ANKRD45: variants seen among roughly 807,000 people sequenced by gnomAD.
ANKRD45 encodes the protein ankyrin repeat domain 45, also known as ankyrin repeat domain-containing protein 45.
ANKRD45 carries 21 observed loss-of-function variants against 28.1 expected under a neutral mutation model. The observed-to-expected ratio is 0.75, with a 90% CI of 0.53 to 1.08. ANKRD45 has a LOEUF of 1.08. Among genes scored for constraint, ANKRD45 ranks in the 50% least tolerant of loss-of-function variants. The pLI is 0.00. For missense variants in ANKRD45, 261 were observed against 308.7 expected, an observed-to-expected ratio of 0.85 and a Z score of 1.16; for synonymous variants, 86 against 103.9, an observed-to-expected ratio of 0.83 and a Z score of 1.05.
intron 2 of ANKRD45, among the ~76,000 whole-genome samples, chr1:173,654,384 G>T (rs183666892): frequency 2.8e-4 from 43 of 152,118 alleles, no homozygotes; most frequent in Admixed American, 2.8e-3. Flanking sequence ...ATGTAATTCT[G>T]GGTTGAAAAT....
At chr1:173,612,164 G>A (rs890324836) in intron 5 of ANKRD45, among the ~76,000 whole-genome samples, 2 of 151,982 alleles carry the variant, frequency 1.3e-5, no homozygotes, top group Admixed American at 1.3e-4. Context: ...GGATTGCTTG[G>A]GCCCAGGGAG....
the ANKRD45 span, among the ~76,000 whole-genome samples, chr1:173,684,352 A>G: frequency 6.6e-6 from 1 of 152,104 alleles, no homozygotes; most frequent in Non-Finnish European, 1.5e-5. Context: ...CTTTTTTTTA[A>G]CATGTCTTGC....
chr1:173,631,881 T>TA lies in ANKRD45; in HGVS notation c.497-4723dup, dbSNP rs954841022. Among the ~76,000 whole-genome samples the TA allele has an allele frequency of 4.6e-5, 7 of 151,524 alleles. No homozygotes were observed. In the East Asian group the frequency reaches 7.7e-4, roughly 17 times the overall value. ...ACTTTATAGTAATAAACACCTACATTAAAAAAATACAAAAACTTCAAATAA... is the reference window on the plus strand; with the variant it reads ...ACTTTATAGTAATAAACACCTACATTAAAAAAAATACAAAAACTTCAAATAA... On this transcript the variant is annotated intron_variant, in intron 3 of 5. Coordinates refer to ENST00000333279, the MANE Select transcript of ANKRD45 (RefSeq NM_198493.3).
chr1:173,655,229 G>T (rs569863145), intron 2 of ANKRD45, among the ~76,000 whole-genome samples: 1 of 152,288 alleles, frequency 6.6e-6, no homozygotes, highest in Admixed American at 6.5e-5. Context: ...CATATTTGTG[G>T]TTTTATCTAC....
At chr1:173,628,064 C>T (rs1400254239) in intron 3 of ANKRD45, among the ~76,000 whole-genome samples, 1 of 151,718 alleles carries the variant, frequency 6.6e-6, no homozygotes, top group Admixed American at 6.6e-5. Flanking sequence ...AGGACCCAGG[C>T]CTGGCAGGAT....
At chr1:173,667,697 A>G in intron 1 of ANKRD45, 1 of 433,526 alleles carries the variant, frequency 2.3e-6, no homozygotes, top group Non-Finnish European at 4.6e-6. Flanking sequence ...ACAGAATGAG[A>G]CCCCATCTTA....
intron 3 of ANKRD45, among the ~76,000 whole-genome samples, chr1:173,627,913 T>A (rs1668010347): frequency 6.6e-6 from 1 of 151,658 alleles, no homozygotes; most frequent in Non-Finnish European, 1.5e-5. Flanking sequence ...TAAGACTTTG[T>A]CTTGCAACTT....
At chr1:173,678,383 T>C in the ANKRD45 span, among the ~76,000 whole-genome samples, 40 of 152,254 alleles carry the variant, frequency 2.6e-4, 2 homozygotes, top group East Asian at 5.0e-3. Context: ...GTCAGCTTTA[T>C]CCCTGGGATG....
intron 3 of ANKRD45, among the ~76,000 whole-genome samples, chr1:173,629,192 G>A (rs1668076639): frequency 6.6e-6 from 1 of 152,132 alleles, no homozygotes; most frequent in Admixed American, 6.5e-5. Context: ...GTACAAACAA[G>A]CCCAGACTGC....
rs1667018829 is a variant in ANKRD45 at position 173,608,557 on chromosome 1, G to T, written c.*1588C>A. Among the ~76,000 whole-genome samples the T allele has an allele frequency of 6.6e-6, 1 of 151,844 alleles. No homozygotes were observed. The highest frequency in any genetic ancestry group is 2.1e-4 in the South Asian group (1 of 4,798). On this transcript the variant is annotated 3_prime_UTR_variant, in exon 6 of 6. Coordinates refer to ENST00000333279, the MANE Select transcript of ANKRD45 (RefSeq NM_198493.3). ...TTGTCTCAAACCGCTGACCTCAGGTGATCCGCCTGCCTTGGCCTCCCAAAG... is the reference window on the plus strand; with the variant it reads ...TTGTCTCAAACCGCTGACCTCAGGTTATCCGCCTGCCTTGGCCTCCCAAAG...
At chr1:173,669,203 G>A (rs571509895) in intron 1 of ANKRD45, among the ~76,000 whole-genome samples, 127 of 152,220 alleles carry the variant, frequency 8.3e-4, no homozygotes, top group African/African-American at 2.9e-3. Context: ...AATTCTGGGT[G>A]GCGGTCTCAG....
intron 3 of ANKRD45, among the ~76,000 whole-genome samples, chr1:173,631,273 A>T (rs1175715822): frequency 6.6e-6 from 1 of 152,176 alleles, no homozygotes; most frequent in African/African-American, 2.4e-5. Context: ...AAGAGGATAT[A>T]ACAGCTGGGA....
intron 5 of ANKRD45, among the ~76,000 whole-genome samples, chr1:173,611,476 T>G (rs907510954): frequency 6.6e-6 from 1 of 152,058 alleles, no homozygotes; most frequent in Non-Finnish European, 1.5e-5. Context: ...TCTTAACCTT[T>G]AAAAATCCAC....
chr1:173,630,452 T>A (rs1434093757), intron 3 of ANKRD45, among the ~76,000 whole-genome samples: 4 of 152,208 alleles, frequency 2.6e-5, no homozygotes, highest in South Asian at 2.1e-4. Context: ...TTTGTTTTTC[T>A]CTTTGCTTGT....
intron 3 of ANKRD45, among the ~76,000 whole-genome samples, chr1:173,628,213 G>A (rs568885101): frequency 3.3e-5 from 5 of 150,888 alleles, no homozygotes; most frequent in Non-Finnish European, 5.9e-5. Context: ...CAGCTGTAGG[G>A]ACTAAGGGGA....
chr1:173,710,371 T>C, the ANKRD45 span, among the ~76,000 whole-genome samples: 1 of 152,134 alleles, frequency 6.6e-6, no homozygotes, highest in Non-Finnish European at 1.5e-5. Flanking sequence ...GGAAGGAAAG[T>C]ACATGTGGAA....
intron 2 of ANKRD45, among the ~76,000 whole-genome samples, chr1:173,656,548 G>T (rs1232049651): frequency 3.9e-5 from 6 of 152,096 alleles, no homozygotes; most frequent in African/African-American, 1.2e-4. Context: ...GCCCTGATTT[G>T]TATCATTAGC....
intron 2 of ANKRD45, among the ~76,000 whole-genome samples, chr1:173,656,474 A>G (rs1435852675): frequency 6.6e-6 from 1 of 152,142 alleles, no homozygotes; most frequent in African/African-American, 2.4e-5. Flanking sequence ...TTTGTTTCTT[A>G]TACTCTAATC....
intron 1 of ANKRD45, among the ~76,000 whole-genome samples, chr1:173,669,013 G>C (rs1670138566): frequency 6.6e-6 from 1 of 152,176 alleles, no homozygotes; most frequent in Non-Finnish European, 1.5e-5. Flanking sequence ...TTTAACTATA[G>C]AATGTGATTG....
Sources: allele counts gnomAD v4.1 joint callset (sites outside exome capture counted in the v4.1 genomes callset), GRCh38; gene constraint gnomAD v4.1.1; transcripts MANE v1.5; gene names NCBI Gene and HGNC (gene_info 2026-07-23, HGNC 2026-07-21).